Variants in RNF32 observed in about 807,000 individuals in gnomAD.
RNF32 encodes the protein ring finger protein 32.
Under a neutral mutation model 41.0 loss-of-function variants are expected in RNF32, and 36 were observed. The observed-to-expected ratio is 0.88, with a 90% CI of 0.67 to 1.16. RNF32 has a LOEUF of 1.16. Ranked by LOEUF, RNF32 falls within the 50% of genes most tolerant of loss-of-function variation. RNF32 has a pLI of 0.00. For missense variants in RNF32, 413 were observed against 436.7 expected (o/e 0.95, Z 0.48); for synonymous variants, 154 against 160.9 (o/e 0.96, Z 0.32).
chr7:156,666,976 T>C (rs1801422611), intron 7 of RNF32, among the ~76,000 whole-genome samples: 1 of 152,202 alleles, frequency 6.6e-6, no homozygotes, highest in Admixed American at 6.5e-5. Context: ...GGGGCGGCTT[T>C]AGGGGCTGCT....
intron 4 of RNF32, among the ~76,000 whole-genome samples, chr7:156,656,925 T>C (rs1013507528): frequency 3.3e-5 from 5 of 152,332 alleles, no homozygotes; most frequent in East Asian, 1.9e-4. Context: ...CCCACTGCCT[T>C]CTTCTTCATT....
intron 3 of RNF32, among the ~76,000 whole-genome samples, chr7:156,649,046 GTGTTT>G (rs1431864493): frequency 1.3e-5 from 2 of 152,016 alleles, no homozygotes; most frequent in Non-Finnish European, 2.9e-5. Flanking sequence ...AGATTAAAGC[GTGTTT>G]TGTTCTCTCC....
chr7:156,671,572 C>T (rs1294101465), intron 7 of RNF32, among the ~76,000 whole-genome samples: 19 of 151,636 alleles, frequency 1.3e-4, no homozygotes, highest in Admixed American at 6.6e-5. Flanking sequence ...TAGGTCGAGA[C>T]ATTTATGTTT....
intron 7 of RNF32, among the ~76,000 whole-genome samples, chr7:156,660,747 C>CT (rs1462105029): frequency 1.3e-5 from 2 of 152,204 alleles, no homozygotes; most frequent in Non-Finnish European, 2.9e-5. Context: ...GAAGTTGACT[C>CT]TGACTGATAC....
intron 4 of RNF32, among the ~76,000 whole-genome samples, chr7:156,655,556 G>C (rs1398901830): frequency 6.6e-6 from 1 of 152,166 alleles, no homozygotes; most frequent in African/African-American, 2.4e-5. Context: ...TAGGAACCCA[G>C]GCTTATTACA....
At chr7:156,676,180 T>C (rs900271879) in intron 8 of RNF32, 1 of 1,253,844 alleles carries the variant, frequency 8.0e-7, no homozygotes, top group Non-Finnish European at 1.1e-6. Context: ...TGTTGGATGT[T>C]GCTTATCACA....
chr7:156,645,271 C>G (rs540363515), intron 3 of RNF32, among the ~76,000 whole-genome samples: 3 of 152,182 alleles, frequency 2.0e-5, no homozygotes, highest in Non-Finnish European at 4.4e-5. Context: ...ACAGTTGTAA[C>G]GCTTGGCAAG....
intron 2 of RNF32, 142 bp downstream of exon 2, chr7:156,644,034 G>A (rs564203082): frequency 2.6e-5 from 18 of 704,034 alleles, no homozygotes; most frequent in East Asian, 5.3e-5. Flanking sequence ...GCCAAGTGTC[G>A]CATGGGGCAG....
intron 7 of RNF32, among the ~76,000 whole-genome samples, chr7:156,660,853 G>C (rs376863233): frequency 6.6e-6 from 1 of 152,230 alleles, no homozygotes; most frequent in South Asian, 2.1e-4. Flanking sequence ...ATTTTAGGGA[G>C]GCAGGAGTTA....
At chr7:156,650,180 G>C (rs898405742) in intron 3 of RNF32, among the ~76,000 whole-genome samples, 2 of 152,190 alleles carry the variant, frequency 1.3e-5, no homozygotes, top group Non-Finnish European at 2.9e-5. Flanking sequence ...TGTTTGCCGG[G>C]ACCAGCCTCC....
At chr7:156,646,437 T>C in intron 3 of RNF32, 1 of 1,303,852 alleles carries the variant, frequency 7.7e-7, no homozygotes, top group Non-Finnish European at 1.0e-6. Flanking sequence ...GTACTCTCCC[T>C]TTCCTCTTCT....
chr7:156,647,438 A>C (rs1190594737), intron 3 of RNF32, among the ~76,000 whole-genome samples: 1 of 152,098 alleles, frequency 6.6e-6, no homozygotes. Context: ...TATAAGTGAG[A>C]ACATACAACA....
chr7:156,653,226 G>T (rs2131429415), intron 3 of RNF32, among the ~76,000 whole-genome samples: 1 of 152,262 alleles, frequency 6.6e-6, no homozygotes, highest in African/African-American at 2.4e-5. Context: ...TGGAAGCACA[G>T]ATCCTTACCA....
At chr7:156,641,448 G>A (rs2131303725) in intron 1 of RNF32, among the ~76,000 whole-genome samples, 1 of 152,290 alleles carries the variant, frequency 6.6e-6, no homozygotes, top group Middle Eastern at 3.4e-3. Context: ...CAAGGGTTAC[G>A]TTTCTAACCC....
rs544731892 is a variant in RNF32, at chr7:156,656,024, G to A, written c.417+1306G>A. 7.9e-5 allele frequency among the ~76,000 whole-genome samples: 12 copies of A among 152,240 alleles called. No individual in the cohort carries two copies. The South Asian group carries it at 1.7e-3, about 21-fold the overall frequency. On this transcript the variant is annotated intron_variant, in intron 4 of 8. Transcript: ENST00000317955. ...TTGGTTTTGATATAAGACCCATCCT[G>A]TATATTTTGCATTTCCAGTGATCAT...
chr7:156,658,909 A>G (rs1563083231), intron 7 of RNF32: 1 of 1,547,422 alleles, frequency 6.5e-7, no homozygotes, highest in East Asian at 2.4e-5. Flanking sequence ...CCTGGGCTAT[A>G]TGTAAATGAA....
At position 156,676,713 on chromosome 7, in the gene RNF32, A is replaced by G; in HGVS notation, c.*58A>G. On this transcript the variant is annotated 3_prime_UTR_variant, in exon 9 of 9. Transcript: ENST00000317955. ...GGAAAAAAGTTTACCATCATTTTGGATGAACTGCATGAGTTCTGGGTTAAG... is the reference window on the plus strand; with the variant it reads ...GGAAAAAAGTTTACCATCATTTTGGGTGAACTGCATGAGTTCTGGGTTAAG... 4.8e-6 allele frequency: 6 copies of G among 1,249,570 alleles called. No homozygotes were observed. Among genetic ancestry groups the G allele is most frequent in the Non-Finnish European group, 7.0e-6 (6 of 860,794 alleles). The allele number at this position is 1,249,570 out of a possible 1,614,324, so 77.4% of individuals were successfully genotyped here.
At chr7:156,651,420 G>T (rs1349127646) in intron 3 of RNF32, among the ~76,000 whole-genome samples, 1 of 151,848 alleles carries the variant, frequency 6.6e-6, no homozygotes, top group Non-Finnish European at 1.5e-5. Context: ...CACCATGTTG[G>T]CCAGGCTGGT....
intron 4 of RNF32, 42 bp from the exon 5 acceptor site, chr7:156,657,499 T>G: frequency 6.2e-7 from 1 of 1,607,104 alleles, no homozygotes; most frequent in South Asian, 1.1e-5. Context: ...ATGCTGCTTC[T>G]CTTTTGTAAA....
Sources: gnomAD v4.1 joint callset for allele counts (sites outside exome capture counted in the v4.1 genomes callset) on GRCh38, gnomAD v4.1.1 for gene constraint, MANE v1.5 for transcripts, NCBI Gene and HGNC (gene_info 2026-07-23, HGNC 2026-07-21) for gene names.